The following CASP5 variants were observed in gnomAD, a reference collection of about 807,000 sequenced individuals.
CASP5 encodes the protein caspase 5, also known as caspase-5.
CASP5 carries 42 observed loss-of-function variants against 45.2 expected under a neutral mutation model. The observed-to-expected ratio is 0.93, with a 90% confidence interval of 0.73 to 1.20. The LOEUF (loss-of-function observed/expected upper bound fraction) is 1.20, where lower values mean the gene tolerates loss of function less well. CASP5 is among the 50% of genes most tolerant of loss of function. CASP5 has a pLI of 0.00. For synonymous variants in CASP5, 209 were observed against 186.2 expected (o/e 1.12, Z -1.00); for missense variants, 512 against 532.2 (o/e 0.96, Z 0.37).
Position 104,997,470 on chromosome 11 carries a change from GC to G in CASP5, c.1118del (p.Arg373ProfsTer24), listed in dbSNP as rs763960854. ...STPHNVSWRD[R>X]TRGSIFITEL... ...CCGTAATGAAGATGGAGCCCCTTGT[GC>G]GGTCTCTCCAGGACACGTTATCTAT... On this transcript the variant is annotated frameshift_variant, in exon 8 of 10. Transcript: ENST00000260315. LOFTEE classifies it high-confidence loss of function. The G allele has an allele frequency of 6.2e-7, 1 of 1,612,318 alleles. No individual in the cohort carries two copies. Among genetic ancestry groups the G allele is most frequent in the South Asian group, 1.1e-5 (1 of 91,050 alleles).
intron 7 of CASP5, 146 bp downstream of exon 7, chr11:104,998,739 G>A: frequency 1.4e-6 from 1 of 706,468 alleles, no homozygotes; most frequent in Non-Finnish European, 2.3e-6. Context: ...TATTCTCACA[G>A]CACACATAAG....
intron 1 of CASP5, among the ~76,000 whole-genome samples, chr11:105,009,720 C>CACACACACACACAT (rs1376205553): frequency 9.4e-5 from 6 of 64,080 alleles, no homozygotes; most frequent in Non-Finnish European, 1.6e-4. Context: ...TATATACACA[C>CACACACACACACAT]ATATATATAT....
rs772150353 is a variant in CASP5 at position 105,000,495 on chromosome 11, C to A, written c.718G>T (p.Asp240Tyr). 1 of 1,613,522 alleles carries A rather than the reference C, an allele frequency of 6.2e-7. No homozygotes were observed. The highest frequency in any genetic ancestry group is 1.1e-5 in the South Asian group (1 of 91,076). The change falls in exon 6 of 10, where the codon GAT becomes TAT. Residue 240 changes from aspartate to tyrosine, a missense_variant and splice_region_variant. Transcript: ENST00000260315. ...AATGCCCTCAGCACTGACTCCATAT[C>A]CTATAAAAGAGCAATGTCTAACTTC... Reference protein sequence around the residue: ...VVDEKNLTARDMESVLRAFAA... With the variant: ...VVDEKNLTARYMESVLRAFAA...
At chr11:104,999,463 G>A (rs2511327) in intron 6 of CASP5, among the ~76,000 whole-genome samples, 1 of 152,100 alleles carries the variant, frequency 6.6e-6, no homozygotes, top group Non-Finnish European at 1.5e-5. Flanking sequence ...ATCATTGATG[G>A]ACATTTGGGT....
At chr11:105,005,341 A>AGT (rs1225346882) in intron 3 of CASP5, among the ~76,000 whole-genome samples, 2 of 141,650 alleles carry the variant, frequency 1.4e-5, no homozygotes, top group African/African-American at 5.4e-5. Flanking sequence ...ATCGGTATAT[A>AGT]GTGTGTATAT....
chr11:104,997,846 A>C (rs45530635), intron 7 of CASP5, among the ~76,000 whole-genome samples: 5,509 of 152,152 alleles, frequency 0.036, 128 homozygotes, highest in South Asian at 0.11. Context: ...AGGATGAATA[A>C]ACTTTTAGGT....
At position 105,002,027 on chromosome 11, in the gene CASP5, C is replaced by A. The variant is rs1366240749; in HGVS notation, c.717+1G>T. On this transcript the variant is annotated splice_donor_variant, in intron 5 of 9. Transcript: ENST00000260315. LOFTEE classifies it high-confidence loss of function. Reference sequence around the variant, plus strand: ...GTGTGAGATGGCTTAGGGGTTCTTACCCTGGCTGTGAGATTCTTTTCGTCA... The same window carrying A: ...GTGTGAGATGGCTTAGGGGTTCTTAACCTGGCTGTGAGATTCTTTTCGTCA... 5.6e-6 allele frequency: 9 copies of A among 1,613,800 alleles called. No individual in the cohort carries two copies. The highest frequency in any genetic ancestry group is 6.8e-6 in the Non-Finnish European group (8 of 1,179,860).
In CASP5 at chr11:105,007,277, A is replaced by C. The variant is rs781129323; in HGVS notation, c.239T>G (p.Leu80Arg). 2 of 1,611,040 alleles carry C rather than the reference A, an allele frequency of 1.2e-6. No homozygotes were observed. The highest frequency in any genetic ancestry group is 2.2e-5 in the South Asian group (2 of 91,012). ...TGCCAAATAATTAAAAACACCATGA[A>C]GAACATCTTTGCCCAGGTATTCCAA... ...KMLEYLGKDV[L>R]HGVFNYLAKH... Residue 80 changes from leucine (L) to arginine (R), a missense_variant, in exon 3 of 10, where the codon CTT becomes CGT. By Grantham distance (102) the Leu-to-Arg change is moderately radical. Coordinates refer to ENST00000260315, the MANE Select transcript of CASP5 (RefSeq NM_004347.5).
intron 5 of CASP5, among the ~76,000 whole-genome samples, chr11:105,001,784 A>C (rs1565382006): frequency 1.3e-5 from 2 of 152,204 alleles, no homozygotes; most frequent in Non-Finnish European, 2.9e-5. Flanking sequence ...CAATTGCGAA[A>C]ATACATGCCA....
chr11:105,001,976 G>A, intron 5 of CASP5, 52 bp downstream of exon 5: 1 of 1,557,232 alleles, frequency 6.4e-7, no homozygotes, highest in African/African-American at 1.4e-5. Flanking sequence ...CTAATTATTA[G>A]AAGAATCTGT....
intron 1 of CASP5, among the ~76,000 whole-genome samples, chr11:105,021,891 C>G (rs1565396427): frequency 6.7e-6 from 1 of 149,174 alleles, no homozygotes. Context: ...TTCACAATAG[C>G]AAAGACTTGG....
At chr11:105,019,102 A>C (rs961149446) in intron 1 of CASP5, among the ~76,000 whole-genome samples, 2 of 150,324 alleles carry the variant, frequency 1.3e-5, no homozygotes, top group Admixed American at 6.8e-5. Flanking sequence ...GTTCTTTGAA[A>C]CCAACGAGAA....
At chr11:105,017,088 C>G (rs1862653249) in intron 1 of CASP5, among the ~76,000 whole-genome samples, 1 of 151,870 alleles carries the variant, frequency 6.6e-6, no homozygotes, top group East Asian at 1.9e-4. Context: ...AGACCTGCAG[C>G]TGAGGGTCCT....
intron 1 of CASP5, 101 bp from the exon 2 acceptor site, chr11:105,009,081 C>T: frequency 3.0e-6 from 3 of 987,084 alleles, no homozygotes; most frequent in Non-Finnish European, 4.6e-6. Flanking sequence ...CTTGAAAATA[C>T]ATTCTGTCTT....
At chr11:105,003,487 C>T (rs1861852657) in intron 3 of CASP5, 104 bp from the exon 4 acceptor site, 8 of 649,000 alleles carry the variant, frequency 1.2e-5, no homozygotes, top group Admixed American at 1.1e-4. Flanking sequence ...AGGAAAAAGA[C>T]TCTTTATATT....
chr11:105,022,910 AC>A (rs1328199411), intron 1 of CASP5, among the ~76,000 whole-genome samples: 1 of 152,118 alleles, frequency 6.6e-6, no homozygotes, highest in Non-Finnish European at 1.5e-5. Flanking sequence ...AAAGGAATTA[AC>A]CTTTTTCTGG....
intron 1 of CASP5, among the ~76,000 whole-genome samples, chr11:105,009,896 TAC>T (rs1320110038): frequency 7.5e-6 from 1 of 132,644 alleles, no homozygotes; most frequent in African/African-American, 3.1e-5. Context: ...TACACATATA[TAC>T]ATATATATAC....
chr11:104,999,285 A>T (rs1433272631), intron 6 of CASP5, among the ~76,000 whole-genome samples: 1 of 152,024 alleles, frequency 6.6e-6, no homozygotes, highest in Non-Finnish European at 1.5e-5. Context: ...ACCCTCACTT[A>T]TAAGTGAGAA....
chr11:105,011,823 G>C (rs952955227), intron 1 of CASP5, among the ~76,000 whole-genome samples: 8 of 151,758 alleles, frequency 5.3e-5, no homozygotes, highest in Middle Eastern at 3.4e-3. Context: ...GATATCCCGT[G>C]TTCATGAATT....
Sources: allele counts gnomAD v4.1 joint callset (sites outside exome capture counted in the v4.1 genomes callset), GRCh38; gene constraint gnomAD v4.1.1; transcripts MANE v1.5; gene names NCBI Gene and HGNC (gene_info 2026-07-23, HGNC 2026-07-21).